The following HID1 variants were observed in gnomAD, a reference collection of about 807,000 sequenced individuals.
The protein encoded by HID1 is protein HID1.
In HID1, 42 loss-of-function variants were observed where a neutral mutation model predicts 89.7. The observed-to-expected ratio is 0.47, with a 90% confidence interval of 0.37 to 0.61. The LOEUF (loss-of-function observed/expected upper bound fraction) is 0.61. HID1 is among the 20% of genes least tolerant of loss of function. The pLI, the probability that HID1 is intolerant of heterozygous loss-of-function variation, is 0.00. For synonymous variants in HID1, 442 were observed against 433.8 expected, an observed-to-expected ratio of 1.02 and a Z score of -0.24; for missense variants, 854 against 1,039.3, an observed-to-expected ratio of 0.82 and a Z score of 2.45.
At chr17:74,956,043 G>T in intron 12 of HID1, 87 bp from the exon 13 acceptor site, 1 of 1,350,900 alleles carries the variant, frequency 7.4e-7, no homozygotes, top group Admixed American at 1.9e-5. Flanking sequence ...ACAGGCTCCT[G>T]CTCTCAATCC....
intron 16 of HID1, 25 bp from the exon 17 acceptor site, chr17:74,952,385 G>A (rs543360048): frequency 2.5e-6 from 4 of 1,592,358 alleles, no homozygotes; most frequent in East Asian, 4.5e-5. Context: ...GGTTCCTGGG[G>A]CTGAGAAAGC....
intron 1 of HID1, among the ~76,000 whole-genome samples, chr17:74,966,692 G>A (rs866362166): frequency 6.6e-6 from 1 of 152,154 alleles, no homozygotes; most frequent in Non-Finnish European, 1.5e-5. Flanking sequence ...GCTCATGTCT[G>A]TAATCCCAGC....
chr17:74,951,755 G>T, intron 18 of HID1, 122 bp from the exon 19 acceptor site: 1 of 1,340,686 alleles, frequency 7.5e-7, no homozygotes, highest in Non-Finnish European at 1.0e-6. Context: ...ACCCTGGGCA[G>T]CGGGTGCCAC....
Position 74,972,696 on chromosome 17 carries a change from C to T in HID1, c.-40G>A. Reference sequence around the variant, plus strand: ...CTCCGGCCCGGCCCCCGCCCAGACTCCAACCCGGCTCCGGCTTCAGCTCCG... The same window carrying T: ...CTCCGGCCCGGCCCCCGCCCAGACTTCAACCCGGCTCCGGCTTCAGCTCCG... On this transcript the variant is annotated 5_prime_UTR_variant, in exon 1 of 19. Coordinates refer to ENST00000425042, the MANE Select transcript of HID1 (RefSeq NM_030630.3). This position sits in a 1 kb window ranked among gnomAD's most constrained non-coding sequence, Gnocchi z 6.4. 6.6e-7 allele frequency: 1 copy of T among 1,505,324 alleles called. No homozygotes were observed. The highest frequency in any genetic ancestry group is 8.9e-7 in the Non-Finnish European group (1 of 1,122,628). The allele number at this position is 1,505,324 out of a possible 1,614,324, so 93.2% of individuals were successfully genotyped here. A position where few individuals can be genotyped will look rare whatever the true frequency, so the allele number is the denominator to read the frequency against.
chr17:74,962,639 T>C lies in HID1; in HGVS notation c.505-299A>G, dbSNP rs1437817687. 6.6e-6 allele frequency among the ~76,000 whole-genome samples: 1 copy of C among 151,374 alleles called. No individual in the cohort carries two copies. Among genetic ancestry groups the C allele is most frequent in the East Asian group, 1.9e-4 (1 of 5,158 alleles). The stretch of plus-strand genomic sequence containing the variant: ...GGATTGGGTGCCCCGGGTTTGGGGG[T>C]GGGCAGAGAAGACTCAAGGTGAAGT... On this transcript the variant is annotated intron_variant, in intron 4 of 18. Coordinates refer to ENST00000425042, the MANE Select transcript of HID1 (RefSeq NM_030630.3). This position sits in a 1 kb window ranked among gnomAD's most constrained non-coding sequence, Gnocchi z 4.3.
At chr17:74,965,052 G>C (rs2039541608) in intron 1 of HID1, among the ~76,000 whole-genome samples, 1 of 152,208 alleles carries the variant, frequency 6.6e-6, no homozygotes, top group East Asian at 1.9e-4. Flanking sequence ...AAGGTGACTT[G>C]TACTCCGTTT....
intron 18 of HID1, 62 bp downstream of exon 18, chr17:74,951,843 T>C: frequency 6.9e-7 from 1 of 1,458,350 alleles, no homozygotes; most frequent in Non-Finnish European, 9.1e-7. Context: ...AGAGCTGAGG[T>C]CCCTGTTGAG....
rs755242343 is a variant in HID1, at chr17:74,953,535, C to T, written c.1971+10G>A. The T allele has an allele frequency of 1.6e-5, 26 of 1,611,732 alleles. 1 individual carries two copies. The African/African-American group carries it at 1.7e-4, about 11-fold the overall frequency. On this transcript the variant is annotated intron_variant, in intron 15 of 18. Transcript: ENST00000425042. ...AGCCACGCCCGGCTCCAGGAGTCCC[C>T]GTCACCCACCCCCTTAGCCGGGCTG...
chr17:74,951,981 G>A lies in HID1; in HGVS notation c.2227C>T (p.Leu743Phe). Reference sequence around the variant, plus strand: ...GAGTTGGCCTGGTACTTGCGGATGAGGATGGGGTGGGGCACGGGCAGCAGC... The same window carrying A: ...GAGTTGGCCTGGTACTTGCGGATGAAGATGGGGTGGGGCACGGGCAGCAGC... ...VGLLPVPHPILIRKYQANSGT... is the reference protein window; with the variant it reads ...VGLLPVPHPIFIRKYQANSGT... The change falls in exon 18 of 19, where the codon CTC (leucine) becomes TTC (phenylalanine). Residue 743 changes from leucine to phenylalanine, a missense_variant. By Grantham distance (22) the Leu-to-Phe change is conservative. Transcript: ENST00000425042. 6.4e-7 allele frequency: 1 copy of A among 1,562,892 alleles called. No homozygotes were observed. The highest frequency in any genetic ancestry group is 8.7e-7 in the Non-Finnish European group (1 of 1,153,618).
Position 74,953,042 on chromosome 17 carries a change from T to C in HID1, c.2016A>G (p.Ser672=). 6.2e-7 allele frequency: 1 copy of C among 1,609,524 alleles called. No individual in the cohort carries two copies. Among genetic ancestry groups the C allele is most frequent in the Non-Finnish European group, 8.5e-7 (1 of 1,178,738 alleles). ...AWREQRRPST[S]SASGQWSPTP... ...TTGGGCTCCACTGCCCACTGGCTGA[T>C]GAGGTGGACGGTCGCCGCTGCTCCC... is the stretch of plus-strand genomic sequence containing the variant. Residue 672 remains serine, a synonymous_variant, in exon 16 of 19, where the codon TCA becomes TCG. Transcript: ENST00000425042.
Position 74,951,936 on chromosome 17 carries a change from G to T in HID1, c.2272C>A (p.Arg758Ser). 6.4e-7 allele frequency: 1 copy of T among 1,551,978 alleles called. No individual in the cohort carries two copies. The highest frequency in any genetic ancestry group is 2.3e-5 in the East Asian group (1 of 43,348). ...QANSGTAMWF[R>S]TYMWGVIYLR... is the part of the protein sequence containing the mutation. ...TAGATGACGCCCCACATGTAGGTGC[G>T]GAACCACATGGCAGTGCCCGAGTTG... is the stretch of plus-strand genomic sequence containing the variant. Residue 758 changes from arginine (R) to serine (S), a missense_variant, in exon 18 of 19, where the codon CGC becomes AGC. Arg to Ser is a moderately radical substitution (Grantham distance 110). Transcript: ENST00000425042.
rs376767530 is a variant in HID1, at chr17:74,958,731, G to A, written c.1182C>T (p.Asp394=). Reference sequence around the variant, plus strand: ...GGATGGGGACAAGGATGTCTAGGACGTCGCTGCTCTTCAGCACGAAGAAGA... The same window carrying A: ...GGATGGGGACAAGGATGTCTAGGACATCGCTGCTCTTCAGCACGAAGAAGA... ...KFLFFVLKSS[D]VLDILVPILF... The change falls in exon 10 of 19, where the codon GAC becomes GAT. Residue 394 remains aspartate (D), a synonymous_variant. Transcript: ENST00000425042. This position sits in a 1 kb window ranked among gnomAD's most constrained non-coding sequence, Gnocchi z 5.2. 1.6e-5 allele frequency: 25 copies of A among 1,612,208 alleles called. No homozygotes were observed. The highest frequency in any genetic ancestry group is 2.7e-5 in the African/African-American group (2 of 74,412).
chr17:74,954,278 T>A lies in HID1; in HGVS notation c.1724A>T (p.His575Leu). The A allele has an allele frequency of 6.3e-7, 1 of 1,588,370 alleles. No individual in the cohort carries two copies. The highest frequency in any genetic ancestry group is 8.6e-7 in the Non-Finnish European group (1 of 1,168,216). Residue 575 changes from histidine (H) to leucine (L), a missense_variant, in exon 14 of 19, where the codon CAC becomes CTC. Transcript: ENST00000425042. Reference sequence around the variant, plus strand: ...CCGCCGGCGCCGCTGCAGGGCCTTGTGAATGGTGGGCGGGTCCGTGGGCAG... The same window carrying A: ...CCGCCGGCGCCGCTGCAGGGCCTTGAGAATGGTGGGCGGGTCCGTGGGCAG... Reference protein sequence around the residue: ...ANLPTDPPTIHKALQRRRRTP... With the variant: ...ANLPTDPPTILKALQRRRRTP...
chr17:74,971,371 G>A (rs1269026412), intron 1 of HID1, among the ~76,000 whole-genome samples: 3 of 152,226 alleles, frequency 2.0e-5, no homozygotes, highest in East Asian at 3.8e-4. Flanking sequence ...GAGCCGTAGG[G>A]AATGGAGAGA....
chr17:74,964,376 A>G, intron 2 of HID1, 107 bp downstream of exon 2: 1 of 1,274,740 alleles, frequency 7.8e-7, no homozygotes. Context: ...GAGTGAGGCC[A>G]CAGGGCTGCC....
chr17:74,971,672 CAG>C (rs562470930), intron 1 of HID1, among the ~76,000 whole-genome samples: 93 of 152,318 alleles, frequency 6.1e-4, no homozygotes, highest in Admixed American at 2.1e-3. Context: ...CATGGGGAGT[CAG>C]GGCCGAGCAT....
At chr17:74,953,684 C>T (rs1567957086) in intron 14 of HID1, 33 bp from the exon 15 acceptor site, 1 of 1,543,366 alleles carries the variant, frequency 6.5e-7, no homozygotes, top group Non-Finnish European at 9.0e-7. Context: ...TGAGGACTCC[C>T]TGCCACAGTG....
At chr17:74,964,403 GA>G in intron 2 of HID1, 79 bp downstream of exon 2, 1 of 1,464,622 alleles carries the variant, frequency 6.8e-7, no homozygotes, top group African/African-American at 1.4e-5. Context: ...TGTGGGGCGG[GA>G]GGCCCTGGAT....
intron 12 of HID1, among the ~76,000 whole-genome samples, chr17:74,957,779 A>G (rs758860260): frequency 3.3e-5 from 5 of 151,922 alleles, no homozygotes; most frequent in Admixed American, 6.6e-5. Context: ...ACACGCCTGT[A>G]ATCCCACCTA....
Sources: gnomAD v4.1 joint callset for allele counts (sites outside exome capture counted in the v4.1 genomes callset) on GRCh38, gnomAD v4.1.1 for gene constraint, Gnocchi (gnomAD v3.1) non-coding constraint, MANE v1.5 for transcripts, NCBI Gene and HGNC (gene_info 2026-07-23, HGNC 2026-07-21) for gene names.